CSMD1: variants seen among roughly 807,000 people sequenced by gnomAD.
CSMD1 encodes the protein CUB and sushi domain-containing protein 1.
CSMD1 carries 213 observed loss-of-function variants against 417.5 expected under a neutral mutation model. The ratio of observed to expected loss-of-function variants is 0.51; its 90% CI spans 0.46 to 0.57. The LOEUF (loss-of-function observed/expected upper bound fraction) is 0.57. Among genes scored for constraint, CSMD1 ranks in the 20% least tolerant of loss-of-function variants. The pLI is 0.00. For synonymous variants in CSMD1, 2,862 were observed against 1,736.8 expected (o/e 1.65, Z -16.11); for missense variants, 6,923 against 4,529.7 (o/e 1.53, Z -15.17).
chr8:4,521,355 T>G (rs975090587), intron 2 of CSMD1, among the ~76,000 whole-genome samples: 2 of 152,052 alleles, frequency 1.3e-5, no homozygotes, highest in African/African-American at 2.4e-5. Context: ...TTAAGAACCT[T>G]TAAGCAGGGC....
chr8:3,124,252 G>C (rs974485245), intron 41 of CSMD1, among the ~76,000 whole-genome samples: 1 of 152,104 alleles, frequency 6.6e-6, no homozygotes, highest in Non-Finnish European at 1.5e-5. Context: ...ATAAATGCTA[G>C]TTATAAATGG....
chr8:3,826,297 G>GT (rs1467516076), intron 5 of CSMD1, among the ~76,000 whole-genome samples: 1 of 151,988 alleles, frequency 6.6e-6, no homozygotes, highest in African/African-American at 2.4e-5. Context: ...AATGAAGGAG[G>GT]TTGAGATTGT....
At position 3,029,432 on chromosome 8, in the gene CSMD1, C is replaced by G; in HGVS notation, c.7742G>C (p.Gly2581Ala). 7 of 1,610,640 alleles carry G rather than the reference C, an allele frequency of 4.3e-6. No individual in the cohort carries two copies. The highest frequency in any genetic ancestry group is 5.9e-6 in the Non-Finnish European group (7 of 1,178,806). Residue 2581 changes from glycine to alanine, a missense_variant, in exon 51 of 70, where the codon GGT becomes GCT. Coordinates refer to ENST00000635120, the MANE Select transcript of CSMD1 (RefSeq NM_033225.6). The stretch of plus-strand genomic sequence containing the variant: ...ACTGCAGCTCAGCAATACTTGAGCA[C>G]CGTACTCATTCAAGGATCCTGAAAC... ...RLVSGSLNEYGAQVLLSCSPG... is the reference protein window; with the variant it reads ...RLVSGSLNEYAAQVLLSCSPG...
At chr8:4,428,876 A>C (rs931235247) in intron 2 of CSMD1, among the ~76,000 whole-genome samples, 1 of 152,064 alleles carries the variant, frequency 6.6e-6, no homozygotes, top group Admixed American at 6.6e-5. Context: ...CACCACGTCC[A>C]GCTAATTTTT....
chr8:4,713,863 G>A (rs1584984505), intron 1 of CSMD1, among the ~76,000 whole-genome samples: 1 of 152,186 alleles, frequency 6.6e-6, no homozygotes, highest in African/African-American at 2.4e-5. Flanking sequence ...AAGATGGGCA[G>A]AAGCCAAAAG....
At chr8:4,913,301 T>C (rs1029822568) in intron 1 of CSMD1, among the ~76,000 whole-genome samples, 1 of 152,212 alleles carries the variant, frequency 6.6e-6, no homozygotes, top group Non-Finnish European at 1.5e-5. Flanking sequence ...CTATCCTCAT[T>C]TGGTGTTATA....
chr8:3,442,452 T>C (rs6558775), intron 12 of CSMD1, among the ~76,000 whole-genome samples: 76,789 of 151,946 alleles, frequency 0.51, 19,787 homozygotes, highest in Middle Eastern at 0.59. Context: ...TTATCTCTTA[T>C]ACAGTGTTTT....
chr8:4,177,448 T>A (rs1290003187), intron 3 of CSMD1, among the ~76,000 whole-genome samples: 1 of 151,814 alleles, frequency 6.6e-6, no homozygotes, highest in East Asian at 1.9e-4. Flanking sequence ...GAGGGAAACT[T>A]ATAGCACTAA....
intron 5 of CSMD1, among the ~76,000 whole-genome samples, chr8:3,783,209 T>A (rs928853443): frequency 1.3e-5 from 2 of 152,242 alleles, no homozygotes; most frequent in African/African-American, 4.8e-5. Context: ...TCTTTCTTGT[T>A]CCTGGATAGC....
intron 1 of CSMD1, among the ~76,000 whole-genome samples, chr8:4,915,648 G>A (rs993940736): frequency 2.6e-5 from 4 of 152,214 alleles, no homozygotes; most frequent in African/African-American, 9.6e-5. Context: ...TTCACACCCA[G>A]ACCTCGGACG....
At chr8:3,624,312 A>T (rs1796392514) in intron 7 of CSMD1, among the ~76,000 whole-genome samples, 1 of 152,196 alleles carries the variant, frequency 6.6e-6, no homozygotes, top group African/African-American at 2.4e-5. Flanking sequence ...TTCCATGGAG[A>T]ATATAATCCA....
At chr8:4,430,160 C>G (rs1046989656) in intron 2 of CSMD1, among the ~76,000 whole-genome samples, 1 of 152,192 alleles carries the variant, frequency 6.6e-6, no homozygotes, top group Non-Finnish European at 1.5e-5. Context: ...ATGTCAGAAT[C>G]TATCCTACGT....
chr8:3,378,231 A>G (rs1810432275), intron 18 of CSMD1, among the ~76,000 whole-genome samples: 2 of 152,222 alleles, frequency 1.3e-5, no homozygotes, highest in South Asian at 4.1e-4. Context: ...GACCAAAAAC[A>G]AGTTCTGAAA....
intron 2 of CSMD1, among the ~76,000 whole-genome samples, chr8:4,625,563 C>G (rs1802049018): frequency 6.6e-6 from 1 of 151,886 alleles, no homozygotes; most frequent in Non-Finnish European, 1.5e-5. Context: ...ACTTCCCTGC[C>G]TCCCCTGGCT....
At chr8:3,338,549 G>C (rs898976122) in intron 23 of CSMD1, among the ~76,000 whole-genome samples, 2 of 152,158 alleles carry the variant, frequency 1.3e-5, no homozygotes, top group African/African-American at 2.4e-5. Context: ...AATTGTGAAT[G>C]TCCCTATTTC....
chr8:4,719,426 C>G (rs1397558644), intron 1 of CSMD1, among the ~76,000 whole-genome samples: 1 of 152,106 alleles, frequency 6.6e-6, no homozygotes, highest in Non-Finnish European at 1.5e-5. Context: ...TTAAAAGCAT[C>G]ATTATAAGTC....
rs149896595 is a variant in CSMD1 at position 4,027,699 on chromosome 8, C to T, written c.610+4206G>A. Reference sequence around the variant, plus strand: ...ACGGACTAATACAGATGACAACTGACATTTTAGACATGGGGGCCCATTGAA... The same window carrying T: ...ACGGACTAATACAGATGACAACTGATATTTTAGACATGGGGGCCCATTGAA... On this transcript the variant is annotated intron_variant, in intron 4 of 69. Transcript: ENST00000635120. 2.0e-3 allele frequency among the ~76,000 whole-genome samples: 301 copies of T among 152,236 alleles called. 1 individual carries two copies. The highest frequency in any genetic ancestry group is 7.0e-3 in the African/African-American group (291 of 41,540).
At position 4,753,105 on chromosome 8, in the gene CSMD1, A is replaced by C. The variant is rs543260367; in HGVS notation, c.86-115547T>G. ...CTTAAAAGATGGATGCTATTTTTGG[A>C]AACATTTTATGGATAAGAAAAGCGA... On this transcript the variant is annotated intron_variant, in intron 1 of 69. Transcript: ENST00000635120. Among the ~76,000 whole-genome samples the C allele has an allele frequency of 2.6e-5, 4 of 152,266 alleles. No individual in the cohort carries two copies. The East Asian group carries it at 7.7e-4, about 29-fold the overall frequency.
At chr8:3,908,860 C>T (rs532582526) in intron 5 of CSMD1, among the ~76,000 whole-genome samples, 2 of 152,316 alleles carry the variant, frequency 1.3e-5, no homozygotes, top group East Asian at 3.9e-4. Flanking sequence ...TCAAATGTTA[C>T]TGTGAGGTAA....
Sources: gnomAD v4.1 joint callset for allele counts (sites outside exome capture counted in the v4.1 genomes callset) on GRCh38, gnomAD v4.1.1 for gene constraint, MANE v1.5 for transcripts, NCBI Gene and HGNC (gene_info 2026-07-23, HGNC 2026-07-21) for gene names.